PUS1: variants seen among roughly 807,000 people sequenced by gnomAD.
PUS1 encodes the protein pseudouridylate synthase 1 homolog.
Under a neutral mutation model 38.5 loss-of-function variants are expected in PUS1, and 25 were observed. That is an observed-to-expected ratio of 0.65 (90% confidence interval 0.47 to 0.91). PUS1 has a LOEUF of 0.91. PUS1 is among the 40% of genes least tolerant of loss of function. The pLI is 0.00. For synonymous variants in PUS1, 282 were observed against 260.4 expected (o/e 1.08, Z -0.80); for missense variants, 597 against 612.3 (o/e 0.97, Z 0.26).
At chr12:131,936,785 A>T (rs2136438069) in intron 3 of PUS1, among the ~76,000 whole-genome samples, 1 of 152,126 alleles carries the variant, frequency 6.6e-6, no homozygotes, top group South Asian at 2.1e-4. Context: ...GCTACCTGGG[A>T]GGCTGAGGCA....
rs104894371 is a variant in PUS1 at position 131,932,301 on chromosome 12, C to T, written c.430C>T (p.Arg144Trp). 2.1e-5 allele frequency: 34 copies of T among 1,613,376 alleles called. No homozygotes were observed. Among genetic ancestry groups the T allele is most frequent in the Middle Eastern group, 1.8e-4 (1 of 5,548 alleles). ...MRKMSFQRCA[R>W]TDKGVSAAGQ... ...GAAAATGTCCTTCCAGCGCTGCGCCCGGACAGACAAGGTGGGTGGTGGCCT... is the reference window on the plus strand; with the variant it reads ...GAAAATGTCCTTCCAGCGCTGCGCCTGGACAGACAAGGTGGGTGGTGGCCT... The change falls in exon 3 of 6, where the codon CGG (arginine) becomes TGG (tryptophan). Residue 144 changes from arginine to tryptophan, a missense_variant. Transcript: ENST00000376649.
Position 131,929,366 on chromosome 12 carries a change from C to T in PUS1, c.-357C>T. On this transcript the variant is annotated 5_prime_UTR_variant, in exon 1 of 6. Transcript: ENST00000376649. ...TCCTCGACTCCTGAGGAAAGCCCACCGGGCGGGGCGGGAGGTGAAGAGGCT... is the reference window on the plus strand; with the variant it reads ...TCCTCGACTCCTGAGGAAAGCCCACTGGGCGGGGCGGGAGGTGAAGAGGCT... 1 of 267,838 alleles carries T rather than the reference C, an allele frequency of 3.7e-6. No homozygotes were observed. The highest frequency in any genetic ancestry group is 5.4e-5 in the Admixed American group (1 of 18,358). The allele number at this position is 267,838 out of a possible 1,614,324, so 16.6% of individuals were successfully genotyped here. A position where few individuals can be genotyped will look rare whatever the true frequency, so the allele number is the denominator to read the frequency against.
intron 5 of PUS1, 51 bp from the exon 6 acceptor site, chr12:131,943,488 G>A: frequency 6.7e-7 from 1 of 1,495,934 alleles, no homozygotes; most frequent in Non-Finnish European, 9.3e-7. Flanking sequence ...GCATCCAGGA[G>A]CAGTGGAGAG....
At position 131,929,644 on chromosome 12, in the gene PUS1, G is replaced by A; in HGVS notation, c.-79G>A. On this transcript the variant is annotated 5_prime_UTR_variant, in exon 1 of 6. Transcript: ENST00000376649. ...AGCGTCAGGGTCCGAGAGGTTAGGG[G>A]TCGGCAGAGGCGGAGCTGGGGCACT... 1 of 1,274,602 alleles carries A rather than the reference G, an allele frequency of 7.8e-7. No individual in the cohort carries two copies. The highest frequency in any genetic ancestry group is 1.1e-6 in the Non-Finnish European group (1 of 939,320). 79.0% of individuals were successfully genotyped at this position (1,274,602 alleles called of 1,614,324 possible). A position where few individuals can be genotyped will look rare whatever the true frequency, so the allele number is the denominator to read the frequency against.
Position 131,939,196 on chromosome 12 carries a change from G to A in PUS1, c.465G>A (p.Val155=). 1.3e-6 allele frequency: 2 copies of A among 1,560,580 alleles called. No homozygotes were observed. Among genetic ancestry groups the A allele is most frequent in the Non-Finnish European group, 1.7e-6 (2 of 1,151,020 alleles). Residue 155 remains valine (V), a synonymous_variant, in exon 4 of 6, where the codon GTG becomes GTA. Transcript: ENST00000376649. The part of the protein sequence containing the change: ...TDKGVSAAGQ[V]VSLKVWLIDD... Reference sequence around the variant, plus strand: ...AGGGTGTGTCCGCAGCCGGCCAGGTGGTATCCCTGAAGGTGTGGCTGATTG... The same window carrying A: ...AGGGTGTGTCCGCAGCCGGCCAGGTAGTATCCCTGAAGGTGTGGCTGATTG...
In PUS1 at chr12:131,941,942, T is replaced by C. The variant is rs1891095909; in HGVS notation, c.1195T>C (p.Phe399Leu). Residue 399 changes from phenylalanine (F) to leucine (L), a missense_variant, in exon 5 of 6, where the codon TTC (phenylalanine) becomes CTC (leucine). Coordinates refer to ENST00000376649, the MANE Select transcript of PUS1 (RefSeq NM_025215.6). The surrounding 1 kb of genome is among the most constrained non-coding windows in gnomAD (Gnocchi z 4.4). ...GCTGAGCACCTTGCCCATCCACAAC[T>C]TCAGTGCCACCGCTCTCACGGCAGG... is the stretch of plus-strand genomic sequence containing the variant. ...QWLSTLPIHN[F>L]SATALTAGGT... 6.2e-7 allele frequency: 1 copy of C among 1,613,166 alleles called. No homozygotes were observed. The highest frequency in any genetic ancestry group is 8.5e-7 in the Non-Finnish European group (1 of 1,179,994).
chr12:131,942,153 C>A (rs948680698), intron 5 of PUS1, among the ~76,000 whole-genome samples, 170 bp downstream of exon 5: 3 of 152,164 alleles, frequency 2.0e-5, no homozygotes, highest in Non-Finnish European at 4.4e-5. Flanking sequence ...TGCATGCCTG[C>A]GCCACCCACT....
At position 131,929,651 on chromosome 12, in the gene PUS1, G is replaced by C. The variant is rs1593285674; in HGVS notation, c.-72G>C. On this transcript the variant is annotated 5_prime_UTR_variant, in exon 1 of 6. Transcript: ENST00000376649. ...GGGTCCGAGAGGTTAGGGGTCGGCA[G>C]AGGCGGAGCTGGGGCACTGGGGGTC... The C allele has an allele frequency of 7.4e-7, 1 of 1,343,344 alleles. No homozygotes were observed. The highest frequency in any genetic ancestry group is 2.7e-5 in the East Asian group (1 of 36,552). 83.2% of individuals were successfully genotyped at this position (1,343,344 alleles called of 1,614,324 possible). A position where few individuals can be genotyped will look rare whatever the true frequency, so the allele number is the denominator to read the frequency against.
intron 3 of PUS1, among the ~76,000 whole-genome samples, chr12:131,933,801 G>A (rs527495007): frequency 9.1e-4 from 138 of 152,320 alleles, no homozygotes; most frequent in African/African-American, 3.1e-3. Flanking sequence ...AGAGATCGTA[G>A]AAAAATAAAG....
At chr12:131,938,036 TC>T (rs1278252036) in intron 3 of PUS1, among the ~76,000 whole-genome samples, 5 of 152,218 alleles carry the variant, frequency 3.3e-5, no homozygotes, top group Admixed American at 1.3e-4. Context: ...CTTTTTCTTT[TC>T]TTCAGCTTCT....
intron 3 of PUS1, among the ~76,000 whole-genome samples, 164 bp from the exon 4 acceptor site, chr12:131,939,009 G>A (rs1046384381): frequency 2.0e-5 from 3 of 152,172 alleles, no homozygotes; most frequent in African/African-American, 7.2e-5. Flanking sequence ...CCAAAGTACT[G>A]GGATTACAGG....
In PUS1 at chr12:131,941,184, G is replaced by C; in HGVS notation, c.545-108G>C. On this transcript the variant is annotated intron_variant, in intron 4 of 5. Coordinates refer to ENST00000376649, the MANE Select transcript of PUS1 (RefSeq NM_025215.6). This position sits in a 1 kb window ranked among gnomAD's most constrained non-coding sequence, Gnocchi z 4.4. Reference sequence around the variant, plus strand: ...AGCCGATGCTTGCTGGAGCTTGGTCGGTGCTCTGGGTAAGGAGACGCTGGG... The same window carrying C: ...AGCCGATGCTTGCTGGAGCTTGGTCCGTGCTCTGGGTAAGGAGACGCTGGG... 1 of 945,064 alleles carries C rather than the reference G, an allele frequency of 1.1e-6. No homozygotes were observed. The highest frequency in any genetic ancestry group is 1.6e-5 in the African/African-American group (1 of 61,626). The allele number at this position is 945,064 out of a possible 1,614,324, so 58.5% of individuals were successfully genotyped here.
intron 3 of PUS1, chr12:131,934,641 CA>C (rs1159230093): frequency 6.6e-6 from 1 of 152,190 alleles, no homozygotes; most frequent in Non-Finnish European, 1.5e-5. Context: ...TACACTGGAA[CA>C]GCTCGTGCCT....
chr12:131,937,925 T>A (rs1236345264), intron 3 of PUS1, among the ~76,000 whole-genome samples: 1 of 152,060 alleles, frequency 6.6e-6, no homozygotes, highest in Non-Finnish European at 1.5e-5. Context: ...TTAGCATGAG[T>A]CTCCAAGGGA....
At chr12:131,939,340 A>G (rs1415296307) in intron 4 of PUS1, 65 bp downstream of exon 4, 8 of 1,030,280 alleles carry the variant, frequency 7.8e-6, no homozygotes, top group Admixed American at 4.0e-5. Context: ...ACACGAGGCT[A>G]TGCATGCTCC....
intron 2 of PUS1, chr12:131,931,798 TG>T (rs1332760531): frequency 8.3e-6 from 3 of 360,698 alleles, no homozygotes; most frequent in African/African-American, 6.3e-5. Flanking sequence ...CCCAAAGTGC[TG>T]GGATTACAGG....
chr12:131,938,326 T>G (rs1376000133), intron 3 of PUS1, among the ~76,000 whole-genome samples: 1 of 152,116 alleles, frequency 6.6e-6, no homozygotes, highest in African/African-American at 2.4e-5. Context: ...CTGTCTGTAG[T>G]CTCAGCTACT....
Position 131,929,918 on chromosome 12 carries a change from T to A in PUS1, c.86T>A (p.Met29Lys). The A allele has an allele frequency of 2.8e-6, 4 of 1,421,686 alleles. No individual in the cohort carries two copies. Among genetic ancestry groups the A allele is most frequent in the Non-Finnish European group, 3.7e-6 (4 of 1,088,974 alleles). The allele number at this position is 1,421,686 out of a possible 1,614,324, so 88.1% of individuals were successfully genotyped here. The change falls in exon 2 of 6, where the codon ATG becomes AAG. Residue 29 changes from methionine (M) to lysine (K), a missense_variant. Met to Lys is a moderately conservative substitution (Grantham distance 95, BLOSUM62 -1). Transcript: ENST00000376649. ...LGPRPSCSPR[M>K]AGNAEPPPAG... ...GCCCTTCTCCGCAGCTCGCCGCGCA[T>A]GGCCGGGAACGCGGAGCCGCCGCCC...
intron 1 of PUS1, 27 bp from the exon 2 acceptor site, chr12:131,929,880 C>G: frequency 6.9e-7 from 1 of 1,457,126 alleles, no homozygotes; most frequent in Non-Finnish European, 9.0e-7. Context: ...CCGAGCGGGC[C>G]CCCGCTCACG....
Sources: allele counts gnomAD v4.1 joint callset (sites outside exome capture counted in the v4.1 genomes callset), GRCh38; gene constraint gnomAD v4.1.1; non-coding constraint Gnocchi (gnomAD v3.1); transcripts MANE v1.5; gene names NCBI Gene and HGNC (gene_info 2026-07-23, HGNC 2026-07-21).